Variants in BACH2 observed in about 807,000 individuals in gnomAD.
The protein encoded by BACH2 is transcription regulator protein BACH2.
BACH2 carries 5 observed loss-of-function variants against 61.8 expected under a neutral mutation model. The observed-to-expected ratio is 0.08, with a 90% CI of 0.04 to 0.17. The LOEUF is 0.17. Ranked by LOEUF, BACH2 falls within the 10% of genes least tolerant of loss-of-function variation. The pLI is 1.00. For missense variants in BACH2, 824 were observed against 1,091.1 expected (o/e 0.76, Z 3.45); for synonymous variants, 446 against 440.1 (o/e 1.01, Z -0.17).
chr6:90,049,471 C>T (rs1779936228), intron 5 of BACH2, among the ~76,000 whole-genome samples: 1 of 152,086 alleles, frequency 6.6e-6, no homozygotes, highest in African/African-American at 2.4e-5. Flanking sequence ...GTCTGTGGAA[C>T]CCCTGGGAAT....
chr6:90,146,372 G>A (rs1582417954), intron 4 of BACH2, among the ~76,000 whole-genome samples: 1 of 152,228 alleles, frequency 6.6e-6, no homozygotes, highest in Non-Finnish European at 1.5e-5. Flanking sequence ...GCGTGCGTGT[G>A]CTCTGTGTAT....
At chr6:90,020,945 A>T (rs975886603) in intron 5 of BACH2, among the ~76,000 whole-genome samples, 1 of 152,314 alleles carries the variant, frequency 6.6e-6, no homozygotes, top group Non-Finnish European at 1.5e-5. Flanking sequence ...GTATGTAGAC[A>T]TTAGCTGAAA....
At chr6:90,157,769 G>A (rs555867961) in intron 4 of BACH2, among the ~76,000 whole-genome samples, 9 of 152,234 alleles carry the variant, frequency 5.9e-5, no homozygotes, top group Non-Finnish European at 1.3e-4. Flanking sequence ...AGGGGCTAAT[G>A]GCCATTGAGT....
At chr6:90,128,480 C>G (rs922854769) in intron 4 of BACH2, among the ~76,000 whole-genome samples, 1 of 152,186 alleles carries the variant, frequency 6.6e-6, no homozygotes, top group Admixed American at 6.5e-5. Flanking sequence ...ACTCAGGAGG[C>G]TGAGGCAGGA....
intron 1 of BACH2, among the ~76,000 whole-genome samples, chr6:90,285,289 A>G (rs1771986231): frequency 6.6e-6 from 1 of 152,206 alleles, no homozygotes; most frequent in Non-Finnish European, 1.5e-5. Flanking sequence ...GTCATCACTT[A>G]GGGACTTCAG....
intron 4 of BACH2, among the ~76,000 whole-genome samples, chr6:90,168,799 G>A (rs879796126): frequency 6.6e-6 from 1 of 152,052 alleles, no homozygotes; most frequent in Admixed American, 6.6e-5. Context: ...TACACCTGTT[G>A]GGCACTGCAT....
chr6:90,180,198 G>A (rs182429447), intron 4 of BACH2, among the ~76,000 whole-genome samples: 87 of 152,114 alleles, frequency 5.7e-4, no homozygotes, highest in Middle Eastern at 3.4e-3. Context: ...AAATATTGAT[G>A]TTACTTATTA....
At chr6:90,110,670 AG>A (rs934305204) in intron 4 of BACH2, among the ~76,000 whole-genome samples, 4 of 152,212 alleles carry the variant, frequency 2.6e-5, no homozygotes, top group African/African-American at 9.6e-5. Flanking sequence ...TTGAAGTATC[AG>A]GGCACTTCAT....
intron 7 of BACH2, among the ~76,000 whole-genome samples, chr6:89,947,775 G>C (rs1287030195): frequency 6.6e-6 from 1 of 151,852 alleles, no homozygotes; most frequent in African/African-American, 2.4e-5. Flanking sequence ...GTTTCACCGT[G>C]TTAGCCAGGA....
chr6:90,046,201 A>C (rs1020428465), intron 5 of BACH2, among the ~76,000 whole-genome samples: 1 of 152,250 alleles, frequency 6.6e-6, no homozygotes, highest in Admixed American at 6.5e-5. Flanking sequence ...CACTCAAAAA[A>C]GAGCAAAATT....
chr6:90,079,350 C>T (rs1199498365), intron 5 of BACH2, among the ~76,000 whole-genome samples: 1 of 152,212 alleles, frequency 6.6e-6, no homozygotes, highest in Non-Finnish European at 1.5e-5. Flanking sequence ...CCTTTCCTTG[C>T]TGTGCTATGA....
intron 2 of BACH2, among the ~76,000 whole-genome samples, chr6:90,265,605 G>A (rs916139232): frequency 6.6e-6 from 1 of 152,124 alleles, no homozygotes; most frequent in Non-Finnish European, 1.5e-5. Flanking sequence ...ATATACCCAG[G>A]TGAAATCTTT....
chr6:90,116,716 C>T (rs879189228), intron 4 of BACH2: 1 of 398,806 alleles, frequency 2.5e-6, no homozygotes, highest in African/African-American at 2.1e-5. Context: ...AGACCAGGTC[C>T]ACACTTTGTC....
At chr6:89,969,647 G>A (rs970331994) in intron 6 of BACH2, among the ~76,000 whole-genome samples, 3 of 152,158 alleles carry the variant, frequency 2.0e-5, no homozygotes, top group Non-Finnish European at 4.4e-5. Flanking sequence ...ATGCACCTGG[G>A]ATTAACACCC....
chr6:90,245,685 G>A (rs1411026723), intron 3 of BACH2, among the ~76,000 whole-genome samples: 7 of 152,184 alleles, frequency 4.6e-5, no homozygotes, highest in Admixed American at 4.6e-4. Flanking sequence ...CAGTAGTTTA[G>A]TTAGCTCTGT....
intron 6 of BACH2, among the ~76,000 whole-genome samples, chr6:89,984,853 C>T (rs1042117550): frequency 6.6e-6 from 1 of 152,178 alleles, no homozygotes; most frequent in African/African-American, 2.4e-5. Context: ...AAGTTTAACA[C>T]ACGAATCATA....
Position 89,950,679 on chromosome 6 carries a change from C to A in BACH2, c.1427G>T (p.Ser476Ile), listed in dbSNP as rs200859292. The change falls in exon 7 of 9, where the codon AGC (serine) becomes ATC (isoleucine). Residue 476 changes from serine to isoleucine, a missense_variant. Physicochemically the swap from Ser to Ile is moderately radical, Grantham distance 142. Around this residue, in one of 8 missense-constraint regions of BACH2, gnomAD observed 102 missense variants for 98.1 expected, o/e 1.04. Coordinates refer to ENST00000257749, the MANE Select transcript of BACH2 (RefSeq NM_021813.4). The surrounding 1 kb of genome is among the most constrained non-coding windows in gnomAD (Gnocchi z 5.3). ...CCCACCGTGGGAGTAGGCCTGCGAG[C>A]TGGGGAGGGACTGGCCGGCTCCCAC... The part of the protein sequence containing the change: ...LWVGAGQSLP[S>I]SQAYSHGGLM... The A allele has an allele frequency of 3.1e-5, 50 of 1,614,138 alleles. No individual in the cohort carries two copies. The African/African-American group carries it at 5.3e-4, about 17-fold the overall frequency.
intron 6 of BACH2, among the ~76,000 whole-genome samples, chr6:90,000,167 C>T (rs1488986750): frequency 6.6e-6 from 1 of 152,216 alleles, no homozygotes; most frequent in Non-Finnish European, 1.5e-5. Context: ...AGCACCACAG[C>T]CTCCAGGGCT....
chr6:89,943,376 T>C (rs941903453), intron 7 of BACH2, among the ~76,000 whole-genome samples: 2 of 151,990 alleles, frequency 1.3e-5, no homozygotes, highest in South Asian at 2.1e-4. Context: ...ATCATCCCCT[T>C]CCTCCCAGTT....
Sources: gnomAD v4.1 joint callset for allele counts (sites outside exome capture counted in the v4.1 genomes callset) on GRCh38, gnomAD v4.1.1 for gene constraint, gnomAD v4.1.1 regional missense constraint, Gnocchi (gnomAD v3.1) non-coding constraint, MANE v1.5 for transcripts, NCBI Gene and HGNC (gene_info 2026-07-23, HGNC 2026-07-21) for gene names.